The following AVL9 variants were observed in gnomAD, a reference collection of about 807,000 sequenced individuals.
The protein encoded by AVL9 is late secretory pathway protein AVL9 homolog.
AVL9 carries 49 observed loss-of-function variants against 79.2 expected under a neutral mutation model. The ratio of observed to expected loss-of-function variants is 0.62; its 90% CI spans 0.49 to 0.79. The LOEUF is 0.79. AVL9 is among the 30% of genes least tolerant of loss of function. The pLI is 0.00. For synonymous variants in AVL9, 299 were observed against 280.6 expected, an observed-to-expected ratio of 1.07 and a Z score of -0.65; for missense variants, 682 against 776.8, an observed-to-expected ratio of 0.88 and a Z score of 1.45.
chr7:32,554,239 A>G (rs1367538785), intron 7 of AVL9, among the ~76,000 whole-genome samples: 11 of 152,202 alleles, frequency 7.2e-5, no homozygotes, highest in Non-Finnish European at 1.6e-4. Context: ...AGCACATGCT[A>G]TGTGAACACT....
intron 15 of AVL9, 49 bp downstream of exon 15, chr7:32,580,939 T>A: frequency 7.6e-7 from 1 of 1,313,302 alleles, no homozygotes; most frequent in South Asian, 1.2e-5. Context: ...AACACATCCA[T>A]TTTCTATCTT....
At chr7:32,499,246 T>C (rs1043570778) in intron 1 of AVL9, among the ~76,000 whole-genome samples, 6 of 152,064 alleles carry the variant, frequency 3.9e-5, no homozygotes, top group Non-Finnish European at 7.4e-5. Context: ...GTAAATTGGC[T>C]TGTTATAGAT....
intron 11 of AVL9, among the ~76,000 whole-genome samples, chr7:32,572,610 G>A (rs1790904994): frequency 6.7e-6 from 1 of 150,268 alleles, no homozygotes; most frequent in Non-Finnish European, 1.5e-5. Context: ...AGACCATCCT[G>A]GCTAACATGG....
At chr7:32,538,737 G>A (rs1176227047) in intron 1 of AVL9, 6 of 152,106 alleles carry the variant, frequency 3.9e-5, no homozygotes, top group African/African-American at 1.2e-4. Context: ...CGGAATCACA[G>A]TATATACAGA....
In AVL9 at chr7:32,564,558, C is replaced by T. The variant is rs535111537; in HGVS notation, c.1215+5094C>T. On this transcript the variant is annotated intron_variant, in intron 10 of 15. Coordinates refer to ENST00000318709, the MANE Select transcript of AVL9 (RefSeq NM_015060.3). Reference sequence around the variant, plus strand: ...ATGAATAAATGGAAACAAATTTCTACATAATAAAATAATTATTTCCGGAAG... The same window carrying T: ...ATGAATAAATGGAAACAAATTTCTATATAATAAAATAATTATTTCCGGAAG... 5.3e-5 allele frequency among the ~76,000 whole-genome samples: 8 copies of T among 152,244 alleles called. No homozygotes were observed. The South Asian group carries it at 1.7e-3, about 32-fold the overall frequency.
intron 1 of AVL9, chr7:32,536,747 C>G (rs1257253538): frequency 6.6e-6 from 1 of 152,172 alleles, no homozygotes; most frequent in Non-Finnish European, 1.5e-5. Context: ...GCTACCAATT[C>G]AGGGCTTCCC....
At chr7:32,579,297 ATATATAT>A (rs1426596485) in intron 13 of AVL9, among the ~76,000 whole-genome samples, 3,215 of 70,668 alleles carry the variant, frequency 0.045, 194 homozygotes, top group African/African-American at 0.16. Context: ...TATATGTATT[ATATATAT>A]TATATATTAT....
chr7:32,571,547 A>G (rs1017840889), intron 11 of AVL9, among the ~76,000 whole-genome samples: 4 of 152,240 alleles, frequency 2.6e-5, no homozygotes, highest in Middle Eastern at 3.4e-3. Context: ...AGAAGAAAAA[A>G]AATTCACCCA....
chr7:32,580,112 C>A, intron 13 of AVL9, 107 bp from the exon 14 acceptor site: 1 of 845,066 alleles, frequency 1.2e-6, no homozygotes, highest in Non-Finnish European at 1.9e-6. Context: ...AGCACTACCA[C>A]CCAGCTGTGT....
intron 1 of AVL9, among the ~76,000 whole-genome samples, chr7:32,500,198 T>G (rs983258144): frequency 4.6e-5 from 7 of 152,342 alleles, no homozygotes; most frequent in Admixed American, 3.3e-4. Flanking sequence ...TGAACTAATT[T>G]ACACTTCCAT....
intron 12 of AVL9, among the ~76,000 whole-genome samples, chr7:32,573,856 A>T (rs143624337): frequency 6.6e-6 from 1 of 152,236 alleles, no homozygotes; most frequent in Non-Finnish European, 1.5e-5. Flanking sequence ...GAAATCATTG[A>T]AAATCGTGTT....
intron 1 of AVL9, among the ~76,000 whole-genome samples, chr7:32,526,956 G>A (rs774004216): frequency 4.6e-5 from 7 of 152,128 alleles, no homozygotes; most frequent in African/African-American, 9.7e-5. Context: ...TCCTCCCAGT[G>A]TGCAGGCCAG....
chr7:32,566,174 A>ATCTTTTTTTTT (rs1790556031), intron 10 of AVL9, among the ~76,000 whole-genome samples: 1 of 129,904 alleles, frequency 7.7e-6, no homozygotes, highest in Non-Finnish European at 1.6e-5. Flanking sequence ...TTTAATTATT[A>ATCTTTTTTTTT]TTATTATTTT....
chr7:32,550,850 A>T (rs1162511574), intron 4 of AVL9, among the ~76,000 whole-genome samples: 1 of 152,328 alleles, frequency 6.6e-6, no homozygotes. Flanking sequence ...AGGATGATTA[A>T]ATGTCGCTAC....
intron 1 of AVL9, chr7:32,538,139 G>A (rs1459696214): frequency 1.3e-5 from 2 of 152,172 alleles, no homozygotes; most frequent in South Asian, 2.1e-4. Flanking sequence ...GTAGAGTTGC[G>A]AATTCGGAGA....
intron 10 of AVL9, among the ~76,000 whole-genome samples, chr7:32,564,589 CTT>C (rs1198667198): frequency 6.6e-6 from 1 of 152,182 alleles, no homozygotes; most frequent in African/African-American, 2.4e-5. Flanking sequence ...GGAAGAAAGT[CTT>C]CAGCTTACCA....
At chr7:32,525,905 A>G (rs1359511541) in intron 1 of AVL9, among the ~76,000 whole-genome samples, 2 of 152,104 alleles carry the variant, frequency 1.3e-5, no homozygotes, top group Non-Finnish European at 2.9e-5. Context: ...TTGTCACACA[A>G]CCCAGATAAT....
intron 1 of AVL9, among the ~76,000 whole-genome samples, chr7:32,497,479 G>C (rs1786899856): frequency 6.6e-6 from 1 of 152,166 alleles, no homozygotes; most frequent in African/African-American, 2.4e-5. Flanking sequence ...CCCCAGGATA[G>C]ATTAATCAGC....
At chr7:32,532,149 C>A (rs1328201755) in intron 1 of AVL9, 2 of 152,198 alleles carry the variant, frequency 1.3e-5, no homozygotes, top group African/African-American at 2.4e-5. Context: ...AGGTAAGCTT[C>A]CCCTGAAGTC....
Sources: gnomAD v4.1 joint callset for allele counts (sites outside exome capture counted in the v4.1 genomes callset) on GRCh38, gnomAD v4.1.1 for gene constraint, MANE v1.5 for transcripts, NCBI Gene and HGNC (gene_info 2026-07-23, HGNC 2026-07-21) for gene names.